The following INSR variants were observed in gnomAD, a reference collection of about 807,000 sequenced individuals.
The protein encoded by INSR is IR.
A neutral mutation model predicts 142.6 loss-of-function variants in INSR; 67 were observed. The observed-to-expected ratio is 0.47, with a 90% CI of 0.39 to 0.58. INSR has a LOEUF of 0.58. Ranked by LOEUF, INSR falls within the 20% of genes least tolerant of loss-of-function variation. INSR has a pLI of 0.00. For synonymous variants in INSR, 756 were observed against 743.1 expected (o/e 1.02, Z -0.28); for missense variants, 1,248 against 1,833.2 (o/e 0.68, Z 5.83).
At chr19:7,262,287 A>G (rs529310699) in intron 2 of INSR, among the ~76,000 whole-genome samples, 2 of 152,280 alleles carry the variant, frequency 1.3e-5, no homozygotes, top group African/African-American at 2.4e-5. Flanking sequence ...CCTGGCCAAC[A>G]TGGTGAAACC....
chr19:7,191,208 A>G (rs540216410), intron 2 of INSR, among the ~76,000 whole-genome samples: 1 of 152,106 alleles, frequency 6.6e-6, no homozygotes, highest in East Asian at 1.9e-4. Context: ...GAGACAGCAG[A>G]ATTGCTTGAA....
intron 13 of INSR, among the ~76,000 whole-genome samples, chr19:7,134,372 AG>A (rs1318778345): frequency 6.6e-6 from 1 of 152,142 alleles, no homozygotes; most frequent in East Asian, 1.9e-4. Context: ...CTGTCACATC[AG>A]AACCAAATGG....
At chr19:7,178,235 G>A (rs778369888) in intron 3 of INSR, among the ~76,000 whole-genome samples, 26 of 112,672 alleles carry the variant, frequency 2.3e-4, no homozygotes, top group Non-Finnish European at 5.3e-5. Context: ...GAATGTCGGG[G>A]TGACTTGTGG....
At chr19:7,198,591 G>A (rs992490193) in intron 2 of INSR, among the ~76,000 whole-genome samples, 4 of 152,116 alleles carry the variant, frequency 2.6e-5, no homozygotes, top group African/African-American at 9.7e-5. Flanking sequence ...GAGGGGTCCA[G>A]AAAGGTGCAG....
chr19:7,233,372 C>T (rs553394456), intron 2 of INSR, among the ~76,000 whole-genome samples: 3 of 152,176 alleles, frequency 2.0e-5, no homozygotes, highest in African/African-American at 4.8e-5. Flanking sequence ...CAGAGCCCCA[C>T]GGCTACTAAC....
intron 8 of INSR, among the ~76,000 whole-genome samples, chr19:7,165,086 A>G (rs1973860809): frequency 6.6e-6 from 1 of 152,100 alleles, no homozygotes; most frequent in African/African-American, 2.4e-5. Context: ...AGATCACACC[A>G]CTGCACTCCA....
At chr19:7,149,254 T>G (rs1415681774) in intron 11 of INSR, among the ~76,000 whole-genome samples, 1 of 152,174 alleles carries the variant, frequency 6.6e-6, no homozygotes, top group African/African-American at 2.4e-5. Flanking sequence ...AGCCCGTACA[T>G]TTTTAGACCC....
rs1342271652 is a variant in INSR, at chr19:7,267,338, G to A, written c.652+7C>T. The A allele has an allele frequency of 1.2e-6, 2 of 1,613,708 alleles. No homozygotes were observed. Among genetic ancestry groups the A allele is most frequent in the African/African-American group, 1.3e-5 (1 of 74,964 alleles). On this transcript the variant is annotated splice_region_variant and intron_variant, in intron 2 of 21. Coordinates refer to ENST00000302850, the MANE Select transcript of INSR (RefSeq NM_000208.4). This position sits in a 1 kb window ranked among gnomAD's most constrained non-coding sequence, Gnocchi z 6.3. The stretch of plus-strand genomic sequence containing the variant: ...ACACTGCTTAGAACCCTGTATCCCC[G>A]GCGTACCTTTCTGGCAGTGACTATG...
intron 13 of INSR, 152 bp from the exon 14 acceptor site, chr19:7,132,469 T>C (rs1972810268): frequency 1.2e-6 from 1 of 801,440 alleles, no homozygotes. Context: ...ACTTTGAGAA[T>C]TGCAGAATTT....
At chr19:7,190,866 C>G (rs551951682) in intron 2 of INSR, among the ~76,000 whole-genome samples, 26 of 152,204 alleles carry the variant, frequency 1.7e-4, no homozygotes, top group Middle Eastern at 3.4e-3. Flanking sequence ...TATTTTTAAC[C>G]ATAAAACAAT....
chr19:7,227,588 G>A (rs146840278), intron 2 of INSR, among the ~76,000 whole-genome samples: 7 of 152,152 alleles, frequency 4.6e-5, no homozygotes, highest in Admixed American at 1.3e-4. Flanking sequence ...TTGCATTCTC[G>A]TCGAAAGATC....
intron 8 of INSR, among the ~76,000 whole-genome samples, chr19:7,164,719 G>A (rs1276052119): frequency 2.0e-5 from 3 of 150,806 alleles, no homozygotes; most frequent in Middle Eastern, 3.4e-3. Context: ...CCAGTTACTC[G>A]GGAGGCTGAG....
At chr19:7,176,788 A>G (rs553218160) in intron 3 of INSR, among the ~76,000 whole-genome samples, 2 of 152,304 alleles carry the variant, frequency 1.3e-5, no homozygotes, top group African/African-American at 4.8e-5. Flanking sequence ...TCTTTTCTTT[A>G]TAAATTACCC....
intron 1 of INSR, 78 bp downstream of exon 1, chr19:7,293,713 CG>C: frequency 3.4e-6 from 4 of 1,178,708 alleles, no homozygotes; most frequent in South Asian, 2.7e-5. Flanking sequence ...AGTCCACAAG[CG>C]GGGGCTCGAT....
intron 2 of INSR, among the ~76,000 whole-genome samples, chr19:7,232,400 G>C (rs1440572852): frequency 6.6e-6 from 1 of 151,980 alleles, no homozygotes; most frequent in Non-Finnish European, 1.5e-5. Flanking sequence ...TTAGTAGTTG[G>C]CCAGGCTGGT....
At position 7,166,354 on chromosome 19, in the gene INSR, T is replaced by C. The variant is rs778625095; in HGVS notation, c.1661A>G (p.Asn554Ser). 2.5e-6 allele frequency: 4 copies of C among 1,614,118 alleles called. No homozygotes were observed. Among genetic ancestry groups the C allele is most frequent in the Middle Eastern group, 1.6e-4 (1 of 6,062 alleles). ...GTCAATGTCTACCACCGTCCAACTGTTGGAACCACACGCATCCTGCCCGTC... is the reference window on the plus strand; with the variant it reads ...GTCAATGTCTACCACCGTCCAACTGCTGGAACCACACGCATCCTGCCCGTC... Reference protein sequence around the residue: ...EFDGQDACGSNSWTVVDIDPP... With the variant: ...EFDGQDACGSSSWTVVDIDPP... The change falls in exon 8 of 22, where the codon AAC (asparagine) becomes AGC (serine). Residue 554 changes from asparagine to serine, a missense_variant. Physicochemically the swap from Asn to Ser is conservative, Grantham distance 46 (BLOSUM62 1). Transcript: ENST00000302850. This position sits in a 1 kb window ranked among gnomAD's most constrained non-coding sequence, Gnocchi z 4.1.
chr19:7,241,689 T>A (rs914343147), intron 2 of INSR, among the ~76,000 whole-genome samples: 1 of 152,060 alleles, frequency 6.6e-6, no homozygotes, highest in African/African-American at 2.4e-5. Flanking sequence ...CACTTGGCAG[T>A]ATCCGGAGAC....
chr19:7,280,679 T>C (rs528528078), intron 1 of INSR, among the ~76,000 whole-genome samples: 4 of 151,328 alleles, frequency 2.6e-5, no homozygotes, highest in East Asian at 3.9e-4. Context: ...ATCATGCCAT[T>C]GCACTCCAGC....
intron 17 of INSR, 22 bp from the exon 18 acceptor site, chr19:7,123,011 T>C (rs941444111): frequency 1.9e-6 from 3 of 1,548,510 alleles, no homozygotes; most frequent in Non-Finnish European, 1.8e-6. Flanking sequence ...GCAACCAGGG[T>C]TCTTGGAGGA....
Sources: allele counts gnomAD v4.1 joint callset (sites outside exome capture counted in the v4.1 genomes callset), GRCh38; gene constraint gnomAD v4.1.1; non-coding constraint Gnocchi (gnomAD v3.1); transcripts MANE v1.5; gene names NCBI Gene and HGNC (gene_info 2026-07-23, HGNC 2026-07-21).